ZBTB20: variants seen among roughly 807,000 people sequenced by gnomAD.
ZBTB20 encodes the protein zinc finger and BTB domain containing 20.
ZBTB20 carries 9 observed loss-of-function variants against 56.9 expected under a neutral mutation model. The ratio of observed to expected loss-of-function variants is 0.16; its 90% CI spans 0.10 to 0.28. The LOEUF is 0.28. ZBTB20 is among the 10% of genes least tolerant of loss of function. The probability of loss-of-function intolerance (pLI) is 1.00; values close to 1 mark genes in which losing one functional copy is unlikely to be tolerated. For missense variants in ZBTB20, 655 were observed against 1,003.0 expected (o/e 0.65, Z 4.69); for synonymous variants, 417 against 420.7 (o/e 0.99, Z 0.11).
chr3:114,527,806 A>C (rs1445367639), intron 6 of ZBTB20, among the ~76,000 whole-genome samples: 2 of 152,216 alleles, frequency 1.3e-5, no homozygotes, highest in African/African-American at 4.8e-5. Flanking sequence ...TAATAGGATA[A>C]AATAACTAAG....
intron 7 of ZBTB20, among the ~76,000 whole-genome samples, chr3:114,402,627 C>G (rs76019049): frequency 0.018 from 2,716 of 152,272 alleles, 39 homozygotes; most frequent in South Asian, 0.059. Context: ...ACGAGGATCA[C>G]AGAGGTGGAA....
intron 4 of ZBTB20, among the ~76,000 whole-genome samples, chr3:114,869,013 A>G (rs371832158): frequency 6.6e-6 from 1 of 152,204 alleles, no homozygotes; most frequent in East Asian, 1.9e-4. Flanking sequence ...ATCTTCCTTC[A>G]ATGTGAAGCT....
At chr3:115,127,870 A>G (rs936814378) in intron 1 of ZBTB20, among the ~76,000 whole-genome samples, 10 of 152,202 alleles carry the variant, frequency 6.6e-5, no homozygotes, top group African/African-American at 2.4e-4. Flanking sequence ...TTGAAATGAA[A>G]GACACTTCTT....
At chr3:114,773,112 T>A (rs911304904) in intron 5 of ZBTB20, among the ~76,000 whole-genome samples, 3 of 152,172 alleles carry the variant, frequency 2.0e-5, no homozygotes, top group Non-Finnish European at 4.4e-5. Flanking sequence ...GAGATCTTAG[T>A]CCCACAACCA....
At chr3:114,490,129 TG>T (rs778657070) in intron 7 of ZBTB20, among the ~76,000 whole-genome samples, 1 of 152,200 alleles carries the variant, frequency 6.6e-6, no homozygotes, top group Non-Finnish European at 1.5e-5. Flanking sequence ...TCATTTTAAA[TG>T]GGAGTTCCCT....
chr3:114,984,355 A>G (rs2078449403), intron 2 of ZBTB20, among the ~76,000 whole-genome samples: 1 of 152,082 alleles, frequency 6.6e-6, no homozygotes, highest in Admixed American at 6.6e-5. Context: ...TGCTGGACCC[A>G]GTAACTAGTC....
intron 6 of ZBTB20, among the ~76,000 whole-genome samples, chr3:114,631,342 A>G (rs1033911776): frequency 5.9e-5 from 4 of 68,092 alleles, no homozygotes; most frequent in Non-Finnish European, 9.0e-5. Context: ...CTTCTATGAC[A>G]TTTTTGTGGA....
At chr3:115,101,004 C>T (rs1245955392) in intron 1 of ZBTB20, among the ~76,000 whole-genome samples, 2 of 152,112 alleles carry the variant, frequency 1.3e-5, no homozygotes, top group Non-Finnish European at 2.9e-5. Context: ...AATTACAGAC[C>T]AAAACAGAAT....
At chr3:115,003,409 GGTTTTTTTTTTGTTT>G (rs535274379) in intron 2 of ZBTB20, among the ~76,000 whole-genome samples, 2,808 of 151,260 alleles carry the variant, frequency 0.019, 52 homozygotes, top group South Asian at 0.051. Flanking sequence ...TTTCTCCCCA[GGTTTTTTTTTTGTTT>G]GTTTTTTGTT....
Position 114,855,068 on chromosome 3 carries a change from G to A in ZBTB20, c.-417+45236C>T, listed in dbSNP as rs559275996. Among the ~76,000 whole-genome samples the A allele has an allele frequency of 2.6e-3, 401 of 152,066 alleles. 1 individual carries two copies. Among genetic ancestry groups the A allele is most frequent in the African/African-American group, 8.9e-3 (369 of 41,458 alleles). On this transcript the variant is annotated intron_variant, in intron 4 of 11. Transcript: ENST00000675478. ...ATATCTTCTTTGGCCATAATGCATC[G>A]AATATTCTGTAAAAACCACATCACT...
chr3:114,562,177 A>ATT (rs1335224940), intron 6 of ZBTB20, among the ~76,000 whole-genome samples: 6 of 136,470 alleles, frequency 4.4e-5, no homozygotes, highest in Admixed American at 7.3e-5. Flanking sequence ...GGCTGGTTTG[A>ATT]TTTTTTTTTT....
chr3:114,866,715 C>CT (rs951609363), intron 4 of ZBTB20, among the ~76,000 whole-genome samples: 7 of 151,442 alleles, frequency 4.6e-5, no homozygotes, highest in African/African-American at 7.3e-5. Flanking sequence ...TGGAACATTC[C>CT]TTTTTTTTTC....
At chr3:114,768,999 C>G (rs529623761) in intron 5 of ZBTB20, among the ~76,000 whole-genome samples, 3 of 152,134 alleles carry the variant, frequency 2.0e-5, no homozygotes, top group Non-Finnish European at 4.4e-5. Context: ...TGAGTTGATA[C>G]CCATAGCACT....
chr3:114,970,703 G>C (rs570649286), intron 3 of ZBTB20, among the ~76,000 whole-genome samples: 42 of 152,244 alleles, frequency 2.8e-4, no homozygotes, highest in African/African-American at 1.0e-3. Flanking sequence ...TGAGATAGCA[G>C]AATAAAATAC....
At chr3:114,675,482 C>A (rs1442249216) in intron 6 of ZBTB20, among the ~76,000 whole-genome samples, 1 of 152,012 alleles carries the variant, frequency 6.6e-6, no homozygotes, top group Non-Finnish European at 1.5e-5. Context: ...TGTATATCTT[C>A]AAAAATAATA....
intron 3 of ZBTB20, among the ~76,000 whole-genome samples, chr3:114,926,861 C>T (rs1167770639): frequency 1.3e-5 from 2 of 152,126 alleles, no homozygotes; most frequent in Non-Finnish European, 2.9e-5. Context: ...ACACTATCCT[C>T]CTGAGTAGCT....
intron 6 of ZBTB20, among the ~76,000 whole-genome samples, chr3:114,659,052 T>G (rs1466823346): frequency 3.9e-5 from 6 of 152,208 alleles, no homozygotes; most frequent in Non-Finnish European, 8.8e-5. Flanking sequence ...TCAACCTCTA[T>G]GTATGCATAT....
chr3:115,042,882 C>A (rs2081194243), intron 2 of ZBTB20, among the ~76,000 whole-genome samples: 1 of 152,046 alleles, frequency 6.6e-6, no homozygotes, highest in Non-Finnish European at 1.5e-5. Flanking sequence ...ATGATCATAC[C>A]CCATTTTTTG....
chr3:114,955,351 G>A (rs1043803610), intron 3 of ZBTB20, among the ~76,000 whole-genome samples: 3 of 152,184 alleles, frequency 2.0e-5, no homozygotes, highest in Non-Finnish European at 2.9e-5. Flanking sequence ...ACAGTTGCCT[G>A]AGTTCTGTTT....
Sources: allele counts gnomAD v4.1 joint callset (sites outside exome capture counted in the v4.1 genomes callset), GRCh38; gene constraint gnomAD v4.1.1; transcripts MANE v1.5; gene names NCBI Gene and HGNC (gene_info 2026-07-23, HGNC 2026-07-21).